Variants in SCAF8 observed in about 807,000 individuals in gnomAD.
SCAF8 encodes the protein SR-related CTD associated factor 8, also known as SR-related and CTD-associated factor 8.
Under a neutral mutation model 140.5 loss-of-function variants are expected in SCAF8, and 23 were observed. That is an observed-to-expected ratio of 0.16 (90% CI 0.12 to 0.23). The LOEUF (loss-of-function observed/expected upper bound fraction) is 0.23, where lower values mean the gene tolerates loss of function less well. Among genes scored for constraint, SCAF8 ranks in the 10% least tolerant of loss-of-function variants. The probability of loss-of-function intolerance (pLI) is 1.00; values close to 1 mark genes in which losing one functional copy is unlikely to be tolerated. For missense variants in SCAF8, 1,397 were observed against 1,555.7 expected (o/e 0.90, Z 1.72); for synonymous variants, 575 against 528.9 (o/e 1.09, Z -1.20).
At chr6:154,792,475 T>G (rs1777451520) in intron 4 of SCAF8, among the ~76,000 whole-genome samples, 1 of 152,212 alleles carries the variant, frequency 6.6e-6, no homozygotes, top group South Asian at 2.1e-4. Context: ...ACGTTAGTAC[T>G]GAGATGAATC....
intron 1 of SCAF8, among the ~76,000 whole-genome samples, chr6:154,762,840 AG>A (rs1776446022): frequency 6.6e-6 from 1 of 152,120 alleles, no homozygotes; most frequent in Non-Finnish European, 1.5e-5. Flanking sequence ...TTAACATTTT[AG>A]TTGTGGTGGT....
intron 15 of SCAF8, 148 bp downstream of exon 15, chr6:154,820,481 A>AT (rs1778386846): frequency 1.5e-5 from 9 of 606,784 alleles, no homozygotes; most frequent in Non-Finnish European, 2.3e-5. Flanking sequence ...CCTAGTGTAC[A>AT]TGCTTAATGG....
At position 154,784,155 on chromosome 6, in the gene SCAF8, A is replaced by ATATATATATATATATATATT. The variant is rs1408182952; in HGVS notation, c.160-3703_160-3702insATATATATATATATATTTAT. Among the ~76,000 whole-genome samples the ATATATATATATATATATATT allele has an allele frequency of 1.2e-3, 113 of 91,822 alleles. 1 individual carries two copies. Among genetic ancestry groups the ATATATATATATATATATATT allele is most frequent in the Non-Finnish European group, 1.8e-3 (78 of 44,468 alleles). The allele number at this position is 91,822 out of a possible 152,430, so 60.2% of individuals were successfully genotyped here. The stretch of plus-strand genomic sequence containing the variant: ...TATATATATATATATATATATATAT[A>ATATATATATATATATATATT]TATTTATTTATTTATTTTTCATGTA... On this transcript the variant is annotated intron_variant, in intron 3 of 19. Transcript: ENST00000367178.
At position 154,833,043 on chromosome 6, in the gene SCAF8, C is replaced by A; in HGVS notation, c.3464C>A (p.Pro1155His). Residue 1155 changes from proline to histidine, a missense_variant, in exon 20 of 20, where the codon CCC becomes CAC. Coordinates refer to ENST00000367178, the MANE Select transcript of SCAF8 (RefSeq NM_014892.5). ...AGAGATTTTGATGACCGCAGAAGAC[C>A]CTGGGAGAGGCAAAGGGATAGGGAT... ...VHRDFDDRRRPWERQRDRDDR... is the reference protein window; with the variant it reads ...VHRDFDDRRRHWERQRDRDDR... 3 of 1,614,012 alleles carry A rather than the reference C, an allele frequency of 1.9e-6. No individual in the cohort carries two copies. Among genetic ancestry groups the A allele is most frequent in the Non-Finnish European group, 2.5e-6 (3 of 1,179,994 alleles).
At chr6:154,742,713 C>G (rs1174847730) in intron 1 of SCAF8, among the ~76,000 whole-genome samples, 2 of 146,130 alleles carry the variant, frequency 1.4e-5, no homozygotes. Context: ...TATTATAGGT[C>G]AGGAAAAATC....
At chr6:154,820,129 T>C in intron 14 of SCAF8, 48 bp from the exon 15 acceptor site, 1 of 1,390,374 alleles carries the variant, frequency 7.2e-7, no homozygotes, top group Non-Finnish European at 9.5e-7. Context: ...CTTGTTTTTA[T>C]AGTATGTATG....
chr6:154,733,577 G>A lies in SCAF8; in HGVS notation c.-324G>A, dbSNP rs1408220327. On this transcript the variant is annotated 5_prime_UTR_variant, in exon 1 of 20. Transcript: ENST00000367178. ...TAGGGGAAGGGGCTAGAGGGAGGGG[G>A]ACCGAAACGGAGCGGGGCAGAGAAG... The A allele has an allele frequency of 7.0e-6, 9 of 1,281,110 alleles. No homozygotes were observed. Among genetic ancestry groups the A allele is most frequent in the Middle Eastern group, 2.9e-4 (1 of 3,480 alleles). The allele number at this position is 1,281,110 out of a possible 1,614,324, so 79.4% of individuals were successfully genotyped here.
At chr6:154,813,072 G>T (rs1046165440) in intron 12 of SCAF8, among the ~76,000 whole-genome samples, 1 of 151,182 alleles carries the variant, frequency 6.6e-6, no homozygotes, top group Non-Finnish European at 1.5e-5. Context: ...CGGCAAGGTG[G>T]TTCACACTTC....
intron 5 of SCAF8, among the ~76,000 whole-genome samples, chr6:154,793,905 G>GTGTGTGTGTGTGTGTA (rs139514724): frequency 9.4e-5 from 14 of 149,334 alleles, no homozygotes; most frequent in African/African-American, 3.2e-4. Flanking sequence ...TGTATTTTGT[G>GTGTGTGTGTGTGTGTA]TGTGTGTGTG....
At chr6:154,824,062 CTTG>C (rs145800386) in intron 16 of SCAF8, among the ~76,000 whole-genome samples, 169 bp from the exon 17 acceptor site, 4,340 of 152,218 alleles carry the variant, frequency 0.029, 106 homozygotes, top group Non-Finnish European at 0.038. Context: ...ATAACATTGC[CTTG>C]TTTTTACCCT....
chr6:154,821,347 C>CTT (rs80093729), intron 15 of SCAF8, among the ~76,000 whole-genome samples: 131 of 144,924 alleles, frequency 9.0e-4, no homozygotes, highest in African/African-American at 2.8e-3. Context: ...TTCTGTTTTA[C>CTT]TTTTTTTTTT....
chr6:154,787,914 A>G lies in SCAF8; in HGVS notation c.213A>G (p.Arg71=), dbSNP rs766661493. Residue 71 remains arginine, a synonymous_variant, in exon 4 of 20, where the codon CGA becomes CGG. Transcript: ENST00000367178. ...TTTATGTTATTGACTCCATTGTGCG[A>G]CAATCCCGACATCAGTTTGGTCAAG... The part of the protein sequence containing the change: ...PGLYVIDSIV[R]QSRHQFGQEK... 6.2e-7 allele frequency: 1 copy of G among 1,613,866 alleles called. No homozygotes were observed. Among genetic ancestry groups the G allele is most frequent in the Non-Finnish European group, 8.5e-7 (1 of 1,179,806 alleles).
chr6:154,811,232 G>A (rs1223034112), intron 12 of SCAF8, among the ~76,000 whole-genome samples: 2 of 152,050 alleles, frequency 1.3e-5, no homozygotes, highest in African/African-American at 2.4e-5. Flanking sequence ...AATGTCAAAC[G>A]TTTAACCACA....
chr6:154,833,249 C>A lies in SCAF8; in HGVS notation c.3670C>A (p.Gln1224Lys). 6.2e-7 allele frequency: 1 copy of A among 1,613,978 alleles called. No individual in the cohort carries two copies. Among genetic ancestry groups the A allele is most frequent in the Non-Finnish European group, 8.5e-7 (1 of 1,179,974 alleles). The change falls in exon 20 of 20, where the codon CAG becomes AAG. Residue 1224 changes from glutamine (Q) to lysine (K), a missense_variant. Physicochemically the swap from Gln to Lys is moderately conservative, Grantham distance 53. Transcript: ENST00000367178. ...VNGENTERHA[Q>K]PPPIPVQNDP... ...TGGTGAAAATACAGAGAGACATGCTCAGCCACCACCTATACCAGTACAGAA... is the reference window on the plus strand; with the variant it reads ...TGGTGAAAATACAGAGAGACATGCTAAGCCACCACCTATACCAGTACAGAA...
Position 154,833,013 on chromosome 6 carries a change from T to G in SCAF8, c.3434T>G (p.Val1145Gly). ...GPWNRGFGQE[V>G]HRDFDDRRRP... ...TGGAACCGAGGATTTGGACAAGAAGTTCACAGAGATTTTGATGACCGCAGA... is the reference window on the plus strand; with the variant it reads ...TGGAACCGAGGATTTGGACAAGAAGGTCACAGAGATTTTGATGACCGCAGA... The change falls in exon 20 of 20, where the codon GTT (valine) becomes GGT (glycine). Residue 1145 changes from valine (V) to glycine (G), a missense_variant. This residue lies in a region of SCAF8 where 930 missense variants were observed against 874.6 expected (regional missense o/e 1.06). Coordinates refer to ENST00000367178, the MANE Select transcript of SCAF8 (RefSeq NM_014892.5). 2 of 1,614,078 alleles carry G rather than the reference T, an allele frequency of 1.2e-6. No individual in the cohort carries two copies. The highest frequency in any genetic ancestry group is 2.2e-5 in the East Asian group (1 of 44,874).
At chr6:154,769,844 A>G (rs532947892) in intron 1 of SCAF8, among the ~76,000 whole-genome samples, 1 of 152,358 alleles carries the variant, frequency 6.6e-6, no homozygotes, top group African/African-American at 2.4e-5. Flanking sequence ...TACAATGCAA[A>G]TTAAAAAAAC....
intron 17 of SCAF8, chr6:154,824,872 A>C (rs1295730294): frequency 6.6e-6 from 1 of 152,280 alleles, no homozygotes; most frequent in East Asian, 1.9e-4. Context: ...GAACCTGGTT[A>C]GGCAGAGGTT....
intron 6 of SCAF8, 38 bp from the exon 7 acceptor site, chr6:154,801,933 C>A: frequency 2.0e-6 from 3 of 1,474,304 alleles, no homozygotes; most frequent in South Asian, 1.4e-5. Flanking sequence ...AGAAAAAACC[C>A]AACACCTGTT....
rs184346941 is a variant in SCAF8, at chr6:154,796,890, T to G, written c.606+1751T>G. Among the ~76,000 whole-genome samples the G allele has an allele frequency of 4.5e-3, 689 of 152,000 alleles. 4 individuals are homozygous for G. Among genetic ancestry groups the G allele is most frequent in the Non-Finnish European group, 6.2e-3 (423 of 67,986 alleles). On this transcript the variant is annotated intron_variant, in intron 6 of 19. Transcript: ENST00000367178. ...AGGAGGCTGAGGCAGGAGAATCGCT[T>G]GAACCTCAGAAGTGGAGGTTACAGA...
Sources: gnomAD v4.1 joint callset for allele counts (sites outside exome capture counted in the v4.1 genomes callset) on GRCh38, gnomAD v4.1.1 for gene constraint, gnomAD v4.1.1 regional missense constraint, MANE v1.5 for transcripts, NCBI Gene and HGNC (gene_info 2026-07-23, HGNC 2026-07-21) for gene names.